GARIN1A: variants seen among roughly 807,000 people sequenced by gnomAD.
GARIN1A encodes the protein golgi associated RAB2 interactor 1A.
chr7:128,677,367 C>T, the GARIN1A span, among the ~76,000 whole-genome samples: 1 of 151,906 alleles, frequency 6.6e-6, no homozygotes, highest in Non-Finnish European at 1.5e-5. Context: ...ATTAGCCGGG[C>T]GTGGTGGCGG....
At chr7:128,674,275 CAAAGTTTGATTTTTTAAA>C in the GARIN1A span, among the ~76,000 whole-genome samples, 2 of 152,038 alleles carry the variant, frequency 1.3e-5, no homozygotes, top group Non-Finnish European at 2.9e-5. Context: ...CAGAAAAGTT[CAAAGTTTGATTTTTTAAA>C]AAAAAATTTT....
At chr7:128,678,570 G>A in the GARIN1A span, among the ~76,000 whole-genome samples, 152,205 of 152,206 alleles carry the variant, frequency 1, 76,102 homozygotes, top group Middle Eastern at 1. Flanking sequence ...TTGGGAGGCC[G>A]AGGCAGGTGG....
At chr7:128,679,348 A>C in the GARIN1A span, among the ~76,000 whole-genome samples, 7 of 151,944 alleles carry the variant, frequency 4.6e-5, 1 homozygote, top group African/African-American at 1.7e-4. Context: ...GTGCGCCACC[A>C]CGCCCAGCTA....
the GARIN1A span, among the ~76,000 whole-genome samples, chr7:128,689,153 A>T: frequency 7.9e-5 from 12 of 151,358 alleles, no homozygotes; most frequent in East Asian, 1.6e-3. Context: ...GCTCGCTACA[A>T]CCTCCACCTC....
At chr7:128,692,214 G>A in the GARIN1A span, among the ~76,000 whole-genome samples, 8 of 152,316 alleles carry the variant, frequency 5.3e-5, no homozygotes, top group Non-Finnish European at 8.8e-5. Context: ...TGGAAGCTGC[G>A]TAGGGAAACG....
chr7:128,689,522 G>A, the GARIN1A span, among the ~76,000 whole-genome samples: 22 of 146,590 alleles, frequency 1.5e-4, no homozygotes, highest in African/African-American at 4.9e-4. Flanking sequence ...CCCGGCAGCC[G>A]CCCCGTCTGA....
the GARIN1A span, chr7:128,678,023 T>C: frequency 0.22 from 65,142 of 302,772 alleles, 6,782 homozygotes; most frequent in East Asian, 0.39. Flanking sequence ...TTCTTTTTTT[T>C]TTTTTTTTTT....
chr7:128,691,433 A>G, the GARIN1A span: 5 of 152,368 alleles, frequency 3.3e-5, no homozygotes, highest in African/African-American at 1.2e-4. Context: ...GGAAACTGTC[A>G]GAAGTATTTG....
At chr7:128,707,268 G>A in the GARIN1A span, among the ~76,000 whole-genome samples, 69 of 146,320 alleles carry the variant, frequency 4.7e-4, no homozygotes, top group Middle Eastern at 3.7e-3. Flanking sequence ...TTCAATATAA[G>A]ATCTACCCTC....
chr7:128,681,532 C>T, the GARIN1A span, among the ~76,000 whole-genome samples: 1 of 142,318 alleles, frequency 7.0e-6, no homozygotes, highest in Non-Finnish European at 1.5e-5. Flanking sequence ...AACAGTGTCT[C>T]ACTCTGTTGC....
the GARIN1A span, among the ~76,000 whole-genome samples, chr7:128,688,781 TCCCCCTC>T: frequency 3.9e-4 from 4 of 10,276 alleles, no homozygotes; most frequent in Admixed American, 2.5e-3. Context: ...CCCCTCCCCC[TCCCCCTC>T]CCCCCTCCCT....
the GARIN1A span, among the ~76,000 whole-genome samples, chr7:128,705,119 GGTTT>G: frequency 3.9e-5 from 6 of 152,130 alleles, no homozygotes; most frequent in African/African-American, 1.2e-4. Context: ...GATGTAACGC[GGTTT>G]GTTTATCAAC....
chr7:128,672,574 A>C, the GARIN1A span: 1 of 1,390,832 alleles, frequency 7.2e-7, no homozygotes, highest in Non-Finnish European at 9.6e-7. Flanking sequence ...GCTCAGGGCC[A>C]GCTGTCTTTC....
chr7:128,684,477 G>A, the GARIN1A span: 2 of 152,196 alleles, frequency 1.3e-5, no homozygotes, highest in Admixed American at 6.5e-5. Flanking sequence ...TTAGCTGGAT[G>A]TGGTGGTGCA....
At chr7:128,675,099 C>T in the GARIN1A span, among the ~76,000 whole-genome samples, 1 of 152,154 alleles carries the variant, frequency 6.6e-6, no homozygotes, top group Non-Finnish European at 1.5e-5. Context: ...TTAGCTGAGA[C>T]ACAGTGCCCA....
At chr7:128,705,610 G>A in the GARIN1A span, among the ~76,000 whole-genome samples, 1 of 148,886 alleles carries the variant, frequency 6.7e-6, no homozygotes, top group Non-Finnish European at 1.5e-5. Context: ...ACTTCTGCCT[G>A]AATCAGCCGC....
the GARIN1A span, among the ~76,000 whole-genome samples, chr7:128,698,754 T>C: frequency 2.0e-5 from 3 of 152,120 alleles, no homozygotes; most frequent in Non-Finnish European, 4.4e-5. Flanking sequence ...TGGCTAATTT[T>C]TGTGTTTTTG....
chr7:128,689,929 C>T, the GARIN1A span, among the ~76,000 whole-genome samples: 84 of 152,236 alleles, frequency 5.5e-4, no homozygotes, highest in African/African-American at 1.8e-3. Context: ...TCATTGAGAA[C>T]GGGCCATGAT....
At chr7:128,691,087 A>T in the GARIN1A span, 4 of 152,224 alleles carry the variant, frequency 2.6e-5, no homozygotes, top group Non-Finnish European at 5.9e-5. Flanking sequence ...AGTATGTACT[A>T]TATCTTTGAC....
Sources: gnomAD v4.1 joint callset for allele counts (sites outside exome capture counted in the v4.1 genomes callset) on GRCh38, gnomAD v4.1.1 for gene constraint, MANE v1.5 for transcripts, NCBI Gene and HGNC (gene_info 2026-07-23, HGNC 2026-07-21) for gene names.